RPH3AL: variants seen among roughly 807,000 people sequenced by gnomAD.
The protein encoded by RPH3AL is rabphilin 3A like (without C2 domains).
Under a neutral mutation model 43.1 loss-of-function variants are expected in RPH3AL, and 38 were observed. That is an observed-to-expected ratio of 0.88 (90% CI 0.68 to 1.15). The LOEUF (loss-of-function observed/expected upper bound fraction) is 1.15, where lower values mean the gene tolerates loss of function less well. Among genes scored for constraint, RPH3AL ranks in the 50% most tolerant of loss-of-function variants. The pLI, the probability that RPH3AL is intolerant of heterozygous loss-of-function variation, is 0.00. For missense variants in RPH3AL, 462 were observed against 423.2 expected (o/e 1.09, Z -0.81); for synonymous variants, 189 against 176.3 (o/e 1.07, Z -0.57).
chr17:266,900 C>A (rs1197703723), intron 6 of RPH3AL, among the ~76,000 whole-genome samples: 1 of 152,234 alleles, frequency 6.6e-6, no homozygotes, highest in African/African-American at 2.4e-5. Flanking sequence ...TGTTGCCCAA[C>A]GCTGGCTCCC....
At position 264,596 on chromosome 17, in the gene RPH3AL, A is replaced by G. The variant is rs1311330641; in HGVS notation, c.438+17172T>C. ...ACCACTGCATGGTGGTTTTCCGCTG[A>G]TCGGTGTGAGGAGGGCATGAAGCAT... On this transcript the variant is annotated intron_variant, in intron 6 of 9. Coordinates refer to ENST00000331302, the MANE Select transcript of RPH3AL (RefSeq NM_006987.4). This position sits in a 1 kb window ranked among gnomAD's most constrained non-coding sequence, Gnocchi z 4.8. Among the ~76,000 whole-genome samples, 1 of 152,208 alleles carries G rather than the reference A, an allele frequency of 6.6e-6. No individual in the cohort carries two copies. The highest frequency in any genetic ancestry group is 1.5e-5 in the Non-Finnish European group (1 of 68,024).
intron 5 of RPH3AL, among the ~76,000 whole-genome samples, chr17:315,683 GA>G (rs879964645): frequency 3.8e-4 from 55 of 145,412 alleles, no homozygotes; most frequent in Middle Eastern, 3.8e-3. Flanking sequence ...TAGTCCCTGT[GA>G]CCCCACCTCC....
chr17:346,254 T>C (rs1444674692), intron 1 of RPH3AL, among the ~76,000 whole-genome samples: 1 of 134,980 alleles, frequency 7.4e-6, no homozygotes, highest in Non-Finnish European at 1.7e-5. Context: ...CATAGTACTC[T>C]TTGCTAGACA....
Position 323,585 on chromosome 17 carries a change from G to T in RPH3AL, c.78-2170C>A, listed in dbSNP as rs963249420. On this transcript the variant is annotated intron_variant, in intron 3 of 9. Coordinates refer to ENST00000331302, the MANE Select transcript of RPH3AL (RefSeq NM_006987.4). The surrounding 1 kb of genome is among the most constrained non-coding windows in gnomAD (Gnocchi z 4.4). Reference sequence around the variant, plus strand: ...CAGGGGAAGGGAGTTGGAAGCCAGGGCCCCCAGGTTCAGGGAATCACCACT... The same window carrying T: ...CAGGGGAAGGGAGTTGGAAGCCAGGTCCCCCAGGTTCAGGGAATCACCACT... Among the ~76,000 whole-genome samples the T allele has an allele frequency of 2.8e-4, 42 of 152,258 alleles. No individual in the cohort carries two copies. The highest frequency in any genetic ancestry group is 3.4e-3 in the Middle Eastern group (1 of 294).
Position 290,459 on chromosome 17 carries a change from T to C in RPH3AL, c.352-8605A>G, listed in dbSNP as rs941190206. 6.6e-6 allele frequency among the ~76,000 whole-genome samples: 1 copy of C among 152,078 alleles called. No homozygotes were observed. The highest frequency in any genetic ancestry group is 1.5e-5 in the Non-Finnish European group (1 of 67,992). ...TCCTGCCTGCCTCCCCCGGGGTGCG[T>C]GCCGCGGCCGCCTATGTGTGCAGAC... On this transcript the variant is annotated intron_variant, in intron 5 of 9. Transcript: ENST00000331302. The surrounding 1 kb of genome is among the most constrained non-coding windows in gnomAD (Gnocchi z 4.2).
intron 6 of RPH3AL, among the ~76,000 whole-genome samples, chr17:257,493 ACG>A (rs2042080452): frequency 2.7e-5 from 1 of 37,016 alleles, no homozygotes. Context: ...ATCCCTAGGA[ACG>A]TGACTACCCT....
At chr17:337,986 A>G (rs1002592448) in intron 1 of RPH3AL, among the ~76,000 whole-genome samples, 7 of 152,264 alleles carry the variant, frequency 4.6e-5, no homozygotes, top group Non-Finnish European at 1.0e-4. Flanking sequence ...CCTCCAATGC[A>G]AATGAGATGT....
intron 5 of RPH3AL, among the ~76,000 whole-genome samples, chr17:308,214 G>C (rs2043550689): frequency 6.6e-6 from 1 of 152,240 alleles, no homozygotes; most frequent in South Asian, 2.1e-4. Context: ...TGCTTCTACA[G>C]CTCCAGCAAT....
chr17:321,535 G>A (rs747812805), intron 3 of RPH3AL, 120 bp from the exon 4 acceptor site: 36 of 1,160,430 alleles, frequency 3.1e-5, no homozygotes, highest in East Asian at 5.8e-5. Flanking sequence ...GCCGCGTGCC[G>A]GGACGACGAG....
intron 6 of RPH3AL, among the ~76,000 whole-genome samples, chr17:277,055 A>T (rs1380994758): frequency 2.6e-5 from 4 of 152,238 alleles, no homozygotes; most frequent in African/African-American, 9.6e-5. Flanking sequence ...ACAAGAAAAT[A>T]ATCATTGATT....
chr17:258,512 T>C (rs2042120440), intron 6 of RPH3AL, among the ~76,000 whole-genome samples: 1 of 152,274 alleles, frequency 6.6e-6, no homozygotes, highest in Middle Eastern at 3.4e-3. Flanking sequence ...GAAAGCGCAG[T>C]GAGCCTCCCT....
chr17:258,178 C>G (rs1264278945), intron 6 of RPH3AL, among the ~76,000 whole-genome samples: 1 of 152,176 alleles, frequency 6.6e-6, no homozygotes, highest in African/African-American at 2.4e-5. Flanking sequence ...CCCCTTTTCG[C>G]TGGTCCTTCT....
intron 5 of RPH3AL, among the ~76,000 whole-genome samples, chr17:291,184 C>G (rs867984228): frequency 6.6e-6 from 1 of 152,178 alleles, no homozygotes; most frequent in South Asian, 2.1e-4. Flanking sequence ...ATGCCGAAAA[C>G]AAACAAGACA....
intron 6 of RPH3AL, 141 bp downstream of exon 6, chr17:281,627 G>A: frequency 1.5e-6 from 1 of 661,100 alleles, no homozygotes; most frequent in Non-Finnish European, 2.7e-6. Flanking sequence ...ACCCCTCCCA[G>A]TGACTGTCCA....
intron 7 of RPH3AL, among the ~76,000 whole-genome samples, chr17:228,404 A>T (rs905194600): frequency 4.0e-5 from 6 of 151,540 alleles, no homozygotes; most frequent in African/African-American, 1.5e-4. Flanking sequence ...GGGGACTCTC[A>T]CCCCGGGTTG....
intron 5 of RPH3AL, among the ~76,000 whole-genome samples, chr17:301,227 G>A (rs145293381): frequency 2.4e-4 from 36 of 152,388 alleles, no homozygotes; most frequent in African/African-American, 7.2e-4. Context: ...AAAGTGGGAC[G>A]AGACATCACC....
chr17:215,638 G>C lies in RPH3AL; in HGVS notation c.876+16C>G. Reference sequence around the variant, plus strand: ...CGGGGGCAGGAGAGGGGAGAAGGCAGCAGTTGGGTACTCACCGGGGCCCTT... The same window carrying C: ...CGGGGGCAGGAGAGGGGAGAAGGCACCAGTTGGGTACTCACCGGGGCCCTT... On this transcript the variant is annotated intron_variant, in intron 9 of 9. Coordinates refer to ENST00000331302, the MANE Select transcript of RPH3AL (RefSeq NM_006987.4). This position sits in a 1 kb window ranked among gnomAD's most constrained non-coding sequence, Gnocchi z 4.1. 1 of 1,265,988 alleles carries C rather than the reference G, an allele frequency of 7.9e-7. No individual in the cohort carries two copies. The highest frequency in any genetic ancestry group is 3.1e-5 in the East Asian group (1 of 31,784). 78.4% of individuals were successfully genotyped at this position (1,265,988 alleles called of 1,614,324 possible). A position where few individuals can be genotyped will look rare whatever the true frequency, so the allele number is the denominator to read the frequency against.
chr17:340,412 T>TCC (rs2045083056), intron 1 of RPH3AL, among the ~76,000 whole-genome samples: 1 of 93,326 alleles, frequency 1.1e-5, no homozygotes, highest in African/African-American at 4.9e-5. Context: ...TGCCCCGGGC[T>TCC]CAGGCCTCCC....
chr17:269,063 A>G (rs1323569863), intron 6 of RPH3AL, among the ~76,000 whole-genome samples: 6 of 152,092 alleles, frequency 3.9e-5, no homozygotes, highest in Admixed American at 2.6e-4. Flanking sequence ...TATTTTTAGT[A>G]GAGACGGGGT....
Sources: allele counts gnomAD v4.1 joint callset (sites outside exome capture counted in the v4.1 genomes callset), GRCh38; gene constraint gnomAD v4.1.1; non-coding constraint Gnocchi (gnomAD v3.1); transcripts MANE v1.5; gene names NCBI Gene and HGNC (gene_info 2026-07-23, HGNC 2026-07-21).